The following C14orf132 variants were observed in gnomAD, a reference collection of about 807,000 sequenced individuals.
C14orf132 encodes chromosome 14 open reading frame 132.
In C14orf132, 6 loss-of-function variants were observed where a neutral mutation model predicts 5.8. The observed-to-expected ratio is 1.03, with a 90% CI of 0.57 to 2.04. C14orf132 has a LOEUF of 2.04. C14orf132 is among the 30% of genes most tolerant of loss of function. The pLI is 0.00. For synonymous variants in C14orf132, 51 were observed against 49.8 expected (o/e 1.02, Z -0.10); for missense variants, 125 against 115.8 (o/e 1.08, Z -0.37).
intron 1 of C14orf132, among the ~76,000 whole-genome samples, chr14:96,080,474 C>T (rs1843221608): frequency 6.6e-6 from 1 of 152,226 alleles, no homozygotes; most frequent in Admixed American, 6.5e-5. Context: ...TATCACAAGC[C>T]ATCACAATCA....
intron 1 of C14orf132, among the ~76,000 whole-genome samples, chr14:96,067,541 A>C (rs1471128461): frequency 6.6e-6 from 1 of 151,952 alleles, no homozygotes; most frequent in East Asian, 1.9e-4. Context: ...CTCTACCAAA[A>C]ATACAAAATT....
chr14:96,054,031 C>T (rs749038275), intron 1 of C14orf132, among the ~76,000 whole-genome samples: 21 of 152,138 alleles, frequency 1.4e-4, no homozygotes, highest in African/African-American at 2.7e-4. Flanking sequence ...AATAAATGCC[C>T]GCAGTGAGCA....
intron 1 of C14orf132, among the ~76,000 whole-genome samples, chr14:96,045,576 A>G (rs759666767): frequency 3.9e-5 from 6 of 152,148 alleles, no homozygotes; most frequent in Non-Finnish European, 8.8e-5. Flanking sequence ...GGGGCTTTGG[A>G]GCTCTAGCCC....
Position 96,093,091 on chromosome 14 carries a change from A to C in C14orf132, c.*6356A>C, listed in dbSNP as rs1264951405. ...CATTGAGTAAATTAAAGCTCTTCTG[A>C]GCAGCAGCAGTGATCATGGTCACTG... On this transcript the variant is annotated 3_prime_UTR_variant, in exon 2 of 2. Coordinates refer to ENST00000555004, the MANE Select transcript of C14orf132 (RefSeq NM_001252507.3). 6.6e-6 allele frequency: 1 copy of C among 152,212 alleles called. No individual in the cohort carries two copies. The highest frequency in any genetic ancestry group is 1.5e-5 in the Non-Finnish European group (1 of 68,044). 9.4% of individuals were successfully genotyped at this position (152,212 alleles called of 1,614,324 possible).
In C14orf132 at chr14:96,087,996, A is replaced by G. The variant is rs1888257591; in HGVS notation, c.*1261A>G. Reference sequence around the variant, plus strand: ...CCCAAGGCAGCATCCCAGTGCAGATAGAGTGGGAAAGGTCCCAGAAGGGGG... The same window carrying G: ...CCCAAGGCAGCATCCCAGTGCAGATGGAGTGGGAAAGGTCCCAGAAGGGGG... On this transcript the variant is annotated 3_prime_UTR_variant, in exon 2 of 2. Coordinates refer to ENST00000555004, the MANE Select transcript of C14orf132 (RefSeq NM_001252507.3). 1 of 145,188 alleles carries G rather than the reference A, an allele frequency of 6.9e-6. No individual in the cohort carries two copies. The highest frequency in any genetic ancestry group is 7.0e-5 in the Admixed American group (1 of 14,256). 9.0% of individuals were successfully genotyped at this position (145,188 alleles called of 1,614,324 possible).
chr14:96,070,594 T>TCACA lies in C14orf132; in HGVS notation c.28-15916_28-15915insACAC, dbSNP rs1360572735. ...AGGGTAGATGAAGTCTCTCTCTCTC[T>TCACA]CTCACACACACACACACACACACAC... On this transcript the variant is annotated intron_variant, in intron 1 of 1. Transcript: ENST00000555004. 7.5e-3 allele frequency among the ~76,000 whole-genome samples: 908 copies of TCACA among 121,036 alleles called. 6 individuals carry two copies. Among genetic ancestry groups the TCACA allele is most frequent in the African/African-American group, 0.025 (855 of 34,122 alleles). The allele number at this position is 121,036 out of a possible 152,430, so 79.4% of individuals were successfully genotyped here. A position where few individuals can be genotyped will look rare whatever the true frequency, so the allele number is the denominator to read the frequency against.
At chr14:96,076,398 G>T (rs1276458526) in intron 1 of C14orf132, among the ~76,000 whole-genome samples, 2 of 152,010 alleles carry the variant, frequency 1.3e-5, no homozygotes, top group Non-Finnish European at 2.9e-5. Flanking sequence ...TTTCTCTATT[G>T]TTTCTGTTTT....
intron 1 of C14orf132, among the ~76,000 whole-genome samples, chr14:96,049,258 A>G (rs1450240001): frequency 2.6e-5 from 4 of 152,236 alleles, no homozygotes; most frequent in African/African-American, 9.6e-5. Flanking sequence ...TTTTCTGTGG[A>G]CATAAATTTT....
At chr14:96,046,528 T>G (rs1386723723) in intron 1 of C14orf132, among the ~76,000 whole-genome samples, 1 of 152,254 alleles carries the variant, frequency 6.6e-6, no homozygotes, top group Non-Finnish European at 1.5e-5. Flanking sequence ...AATGACCATT[T>G]TATTTGGTTC....
chr14:96,051,121 C>T (rs891440705), intron 1 of C14orf132: 38 of 398,516 alleles, frequency 9.5e-5, no homozygotes, highest in Non-Finnish European at 1.5e-4. Context: ...ACATACTCTA[C>T]AGGTCAAGTG....
At chr14:96,046,968 C>T (rs1439785865) in intron 1 of C14orf132, among the ~76,000 whole-genome samples, 1 of 152,208 alleles carries the variant, frequency 6.6e-6, no homozygotes, top group Non-Finnish European at 1.5e-5. Flanking sequence ...TGTCGGTCCC[C>T]AGAGGAACAT....
At chr14:96,077,493 G>T (rs116980903) in intron 1 of C14orf132, among the ~76,000 whole-genome samples, 7 of 152,112 alleles carry the variant, frequency 4.6e-5, no homozygotes, top group Admixed American at 1.3e-4. Flanking sequence ...ATTAGGACAC[G>T]GACATGCACA....
intron 1 of C14orf132, among the ~76,000 whole-genome samples, chr14:96,046,257 G>C (rs998218513): frequency 2.0e-5 from 3 of 152,186 alleles, no homozygotes; most frequent in Non-Finnish European, 4.4e-5. Context: ...GTGTGTCTAG[G>C]AGCAAGGGAC....
rs35731275 is a variant in C14orf132, at chr14:96,087,136, G to A, written c.*401G>A. 12,442 of 221,276 alleles carry A rather than the reference G, an allele frequency of 0.056. 697 individuals carry two copies. Among genetic ancestry groups the A allele is most frequent in the East Asian group, 0.3 (2,253 of 7,596 alleles). 13.7% of individuals were successfully genotyped at this position (221,276 alleles called of 1,614,324 possible). On this transcript the variant is annotated 3_prime_UTR_variant, in exon 2 of 2. Coordinates refer to ENST00000555004, the MANE Select transcript of C14orf132 (RefSeq NM_001252507.3). ...TATGCAAACTTATCGAACCTAGGGC[G>A]TGGGGTGCTGGGGCAAGAGCAGCCC...
At position 96,039,925 on chromosome 14, in the gene C14orf132, C is replaced by T. The variant is rs1462452128; in HGVS notation, c.27+398C>T. On this transcript the variant is annotated intron_variant, in intron 1 of 1. Transcript: ENST00000555004. The surrounding 1 kb of genome is among the most constrained non-coding windows in gnomAD (Gnocchi z 5.3). ...AACGTGGATGGGCACACAGTCTCGCCCTTCCCCACTCTGTTTTCCCGAGGC... is the reference window on the plus strand; with the variant it reads ...AACGTGGATGGGCACACAGTCTCGCTCTTCCCCACTCTGTTTTCCCGAGGC... 6.6e-6 allele frequency among the ~76,000 whole-genome samples: 1 copy of T among 152,192 alleles called. No individual in the cohort carries two copies. The highest frequency in any genetic ancestry group is 1.5e-5 in the Non-Finnish European group (1 of 68,022).
chr14:96,082,909 C>T (rs1370221006), intron 1 of C14orf132, among the ~76,000 whole-genome samples: 2 of 152,186 alleles, frequency 1.3e-5, no homozygotes, highest in Non-Finnish European at 2.9e-5. Context: ...GAAATTGAGG[C>T]AAGTGGGTAA....
chr14:96,045,038 C>T (rs984992638), intron 1 of C14orf132, among the ~76,000 whole-genome samples: 1 of 152,134 alleles, frequency 6.6e-6, no homozygotes, highest in African/African-American at 2.4e-5. Flanking sequence ...GATCTTGGGG[C>T]AGCAGTGAAC....
intron 1 of C14orf132, among the ~76,000 whole-genome samples, chr14:96,056,305 C>T (rs1335643720): frequency 6.6e-6 from 1 of 152,170 alleles, no homozygotes; most frequent in Non-Finnish European, 1.5e-5. Context: ...GAATACAGAA[C>T]TGCCCAGGGC....
At chr14:96,052,941 C>A (rs1887072387) in intron 1 of C14orf132, among the ~76,000 whole-genome samples, 2 of 152,170 alleles carry the variant, frequency 1.3e-5, no homozygotes, top group Admixed American at 6.5e-5. Flanking sequence ...TTGGAGAGGG[C>A]TGACCCCTTT....
Sources: allele counts gnomAD v4.1 joint callset (sites outside exome capture counted in the v4.1 genomes callset), GRCh38; gene constraint gnomAD v4.1.1; non-coding constraint Gnocchi (gnomAD v3.1); transcripts MANE v1.5; gene names NCBI Gene and HGNC (gene_info 2026-07-23, HGNC 2026-07-21).